Variants in PPFIA1 observed in about 807,000 individuals in gnomAD.
PPFIA1 encodes the protein liprin-alpha-1.
PPFIA1 carries 25 observed loss-of-function variants against 149.9 expected under a neutral mutation model. The observed-to-expected ratio is 0.17, with a 90% CI of 0.12 to 0.23. The LOEUF is 0.23. Among genes scored for constraint, PPFIA1 ranks in the 10% least tolerant of loss-of-function variants. The pLI is 1.00. For missense variants in PPFIA1, 1,362 were observed against 1,506.5 expected (o/e 0.90, Z 1.59); for synonymous variants, 549 against 552.8 (o/e 0.99, Z 0.10).
chr11:70,273,152 T>C (rs1415836779), intron 2 of PPFIA1, among the ~76,000 whole-genome samples: 1 of 152,074 alleles, frequency 6.6e-6, no homozygotes, highest in Non-Finnish European at 1.5e-5. Context: ...GTAGCGCGCA[T>C]CTGTAGTCCC....
At chr11:70,354,220 A>G (rs368325433) in intron 16 of PPFIA1, 81 bp from the exon 17 acceptor site, 9 of 1,418,506 alleles carry the variant, frequency 6.3e-6, no homozygotes, top group East Asian at 4.6e-5. Flanking sequence ...TCGATTTTCA[A>G]AGAAGTTTAT....
intron 19 of PPFIA1, among the ~76,000 whole-genome samples, chr11:70,356,966 CAGGGTGAGG>C (rs1565442123): frequency 6.6e-6 from 1 of 152,070 alleles, no homozygotes; most frequent in Non-Finnish European, 1.5e-5. Flanking sequence ...TGTGATGCCC[CAGGGTGAGG>C]ACGTGGAGGA....
intron 19 of PPFIA1, among the ~76,000 whole-genome samples, chr11:70,357,210 G>C (rs1206703318): frequency 6.6e-6 from 1 of 152,182 alleles, no homozygotes; most frequent in Non-Finnish European, 1.5e-5. Flanking sequence ...GGTGAAACTT[G>C]ACGGGCTGTA....
intron 13 of PPFIA1, among the ~76,000 whole-genome samples, chr11:70,338,792 A>G (rs762692616): frequency 6.6e-5 from 10 of 152,246 alleles, no homozygotes; most frequent in Non-Finnish European, 1.0e-4. Context: ...ACAATTGCAG[A>G]GCAGTTGAAG....
At chr11:70,295,988 C>T in intron 2 of PPFIA1, among the ~76,000 whole-genome samples, 1 of 151,706 alleles carries the variant, frequency 6.6e-6, no homozygotes, top group Admixed American at 6.6e-5. Flanking sequence ...CAGAGACGCT[C>T]CTCACCTCCC....
intron 21 of PPFIA1, among the ~76,000 whole-genome samples, chr11:70,369,084 C>T (rs2057101025): frequency 6.6e-6 from 1 of 152,018 alleles, no homozygotes. Context: ...GCCACCATGC[C>T]CAGCTGAGCA....
Position 70,333,536 on chromosome 11 carries a change from A to G in PPFIA1, c.1279A>G (p.Asn427Asp). Residue 427 changes from asparagine (N) to aspartate (D), a missense_variant, in exon 10 of 28, where the codon AAT becomes GAT. Physicochemically the swap from Asn to Asp is conservative, Grantham distance 23. Coordinates refer to ENST00000253925, the MANE Select transcript of PPFIA1 (RefSeq NM_003626.5). Reference sequence around the variant, plus strand: ...GATGGAAGCACAGTTGGAGGAGAAGAATCAAGAACTGCAGCGGGTGAGCAT... The same window carrying G: ...GATGGAAGCACAGTTGGAGGAGAAGGATCAAGAACTGCAGCGGGTGAGCAT... Reference protein sequence around the residue: ...RQMEAQLEEKNQELQRARQRE... With the variant: ...RQMEAQLEEKDQELQRARQRE... The G allele has an allele frequency of 6.2e-7, 1 of 1,612,452 alleles. No homozygotes were observed.
chr11:70,324,251 A>G (rs2054134432), intron 2 of PPFIA1, 151 bp from the exon 3 acceptor site: 1 of 566,864 alleles, frequency 1.8e-6, no homozygotes, highest in Non-Finnish European at 3.1e-6. Context: ...TGTGTGGTCC[A>G]TTGATGCCCT....
intron 24 of PPFIA1, 26 bp from the exon 25 acceptor site, chr11:70,376,506 T>C (rs985188144): frequency 6.9e-6 from 11 of 1,596,626 alleles, no homozygotes; most frequent in African/African-American, 1.3e-5. Flanking sequence ...ATGAAAGTTT[T>C]ATTTGTTTTT....
intron 2 of PPFIA1, among the ~76,000 whole-genome samples, chr11:70,282,896 A>G (rs540226985): frequency 7.6e-5 from 10 of 131,894 alleles, no homozygotes; most frequent in African/African-American, 2.1e-4. Flanking sequence ...CTGGAGTGCA[A>G]TGGTGCGATC....
intron 13 of PPFIA1, 114 bp downstream of exon 13, chr11:70,338,567 A>G: frequency 1.3e-6 from 1 of 774,682 alleles, no homozygotes; most frequent in Non-Finnish European, 2.1e-6. Context: ...AGGAGCCTGT[A>G]GCTTAGTAGG....
rs1188705106 is a variant in PPFIA1, at chr11:70,376,558, T to G, written c.3342T>G (p.Phe1114Leu). The G allele has an allele frequency of 1.2e-6, 2 of 1,613,944 alleles. No individual in the cohort carries two copies. The highest frequency in any genetic ancestry group is 2.7e-5 in the African/African-American group (2 of 74,948). ...TQARAVLERE[F>L]NNLLVMGTDR... ...CTCGTGCTGTCTTGGAAAGAGAATT[T>G]AACAACCTTTTGGTCATGGGGACTG... is the stretch of plus-strand genomic sequence containing the variant. Residue 1114 changes from phenylalanine (F) to leucine (L), a missense_variant, in exon 25 of 28, where the codon TTT becomes TTG. Around this residue, in one of 7 missense-constraint regions of PPFIA1, gnomAD observed 349 missense variants for 373.3 expected, o/e 0.93. Coordinates refer to ENST00000253925, the MANE Select transcript of PPFIA1 (RefSeq NM_003626.5).
At chr11:70,325,150 G>T in intron 4 of PPFIA1, 139 bp downstream of exon 4, 1 of 796,112 alleles carries the variant, frequency 1.3e-6, no homozygotes, top group Non-Finnish European at 1.8e-6. Context: ...GGTTTTGTAG[G>T]TTTAAAAAGT....
rs917000522 is a variant in PPFIA1 at position 70,374,432 on chromosome 11, G to C, written c.3140-486G>C. The C allele has an allele frequency of 2.6e-5, 4 of 153,018 alleles. No individual in the cohort carries two copies. In the Admixed American group the frequency reaches 2.6e-4, roughly 10 times the overall value. 9.5% of individuals were successfully genotyped at this position (153,018 alleles called of 1,614,324 possible). On this transcript the variant is annotated intron_variant, in intron 23 of 27. Transcript: ENST00000253925. ...CTAATGTGCTGGATGATATTGTTAA[G>C]TTTCTCTCATTTTAAAATGAGACAA...
At chr11:70,296,547 C>T (rs912937242) in intron 2 of PPFIA1, among the ~76,000 whole-genome samples, 20 of 152,002 alleles carry the variant, frequency 1.3e-4, no homozygotes, top group African/African-American at 4.6e-4. Flanking sequence ...TCAGGCGTGG[C>T]GGTGCGCGCC....
At chr11:70,276,900 G>A (rs1466399502) in intron 2 of PPFIA1, among the ~76,000 whole-genome samples, 1 of 150,790 alleles carries the variant, frequency 6.6e-6, no homozygotes, top group South Asian at 2.1e-4. Context: ...CTCTTAATCA[G>A]TCTTGTTGGG....
intron 2 of PPFIA1, among the ~76,000 whole-genome samples, chr11:70,300,535 ATT>A (rs199605338): frequency 1.1e-4 from 15 of 131,256 alleles, no homozygotes; most frequent in South Asian, 7.5e-4. Flanking sequence ...TGCCCACCTA[ATT>A]TTTTTTTTTT....
chr11:70,351,211 T>G (rs1272553569), intron 16 of PPFIA1, among the ~76,000 whole-genome samples: 1 of 152,168 alleles, frequency 6.6e-6, no homozygotes, highest in Non-Finnish European at 1.5e-5. Flanking sequence ...TCATTAGCGG[T>G]TTTCACAGAA....
chr11:70,273,427 G>A (rs1180425743), intron 2 of PPFIA1, among the ~76,000 whole-genome samples: 4 of 152,140 alleles, frequency 2.6e-5, no homozygotes, highest in Admixed American at 2.0e-4. Context: ...AGTGGCACGG[G>A]GCATAGTGGG....
Sources: allele counts gnomAD v4.1 joint callset (sites outside exome capture counted in the v4.1 genomes callset), GRCh38; gene constraint gnomAD v4.1.1; regional missense constraint gnomAD v4.1.1; transcripts MANE v1.5; gene names NCBI Gene and HGNC (gene_info 2026-07-23, HGNC 2026-07-21).